Variants in UBXN7 observed in about 807,000 individuals in gnomAD.
UBXN7 encodes UBX domain-containing protein 7.
Under a neutral mutation model 58.0 loss-of-function variants are expected in UBXN7, and 9 were observed. The ratio of observed to expected loss-of-function variants is 0.16; its 90% CI spans 0.09 to 0.27. The LOEUF is 0.27. Ranked by LOEUF, UBXN7 falls within the 10% of genes least tolerant of loss-of-function variation. The pLI, the probability that UBXN7 is intolerant of heterozygous loss-of-function variation, is 1.00. For synonymous variants in UBXN7, 208 were observed against 205.0 expected (o/e 1.01, Z -0.12); for missense variants, 328 against 599.6 (o/e 0.55, Z 4.73).
chr3:196,422,768 C>A (rs971635088), intron 1 of UBXN7, among the ~76,000 whole-genome samples: 2 of 152,140 alleles, frequency 1.3e-5, no homozygotes, highest in African/African-American at 4.8e-5. Flanking sequence ...TAAACACACT[C>A]CTAGGTATTT....
chr3:196,347,828 C>T lies in UBXN7; in HGVS notation c.*8857G>A, dbSNP rs1196558473. The T allele has an allele frequency of 6.6e-6, 1 of 151,984 alleles. No homozygotes were observed. The highest frequency in any genetic ancestry group is 2.4e-5 in the African/African-American group (1 of 41,358). 9.4% of individuals were successfully genotyped at this position (151,984 alleles called of 1,614,324 possible). A position where few individuals can be genotyped will look rare whatever the true frequency, so the allele number is the denominator to read the frequency against. The stretch of plus-strand genomic sequence containing the variant: ...TGTCTTCAAAAGACTTATCGTCCCA[C>T]TCCCTTCCCTCCCCCACCCCATTGT... On this transcript the variant is annotated 3_prime_UTR_variant, in exon 11 of 11. Coordinates refer to ENST00000296328, the MANE Select transcript of UBXN7 (RefSeq NM_015562.2).
chr3:196,429,906 A>C (rs1172483992), intron 1 of UBXN7, among the ~76,000 whole-genome samples: 8 of 152,238 alleles, frequency 5.3e-5, no homozygotes, highest in Admixed American at 5.2e-4. Context: ...GAACAGAAAC[A>C]GAATTAAAGC....
intron 3 of UBXN7, among the ~76,000 whole-genome samples, chr3:196,402,512 C>T (rs142406296): frequency 0.011 from 1,714 of 152,264 alleles, 15 homozygotes; most frequent in South Asian, 0.038. Flanking sequence ...CATTCTCTAT[C>T]GCCAGTCTCT....
chr3:196,387,348 T>G (rs1729435627), intron 5 of UBXN7, among the ~76,000 whole-genome samples: 2 of 152,288 alleles, frequency 1.3e-5, no homozygotes, highest in South Asian at 2.1e-4. Context: ...GAAGAAAACC[T>G]AGGCAATACC....
At chr3:196,366,490 C>T (rs1178163918) in intron 8 of UBXN7, among the ~76,000 whole-genome samples, 1 of 151,278 alleles carries the variant, frequency 6.6e-6, no homozygotes, top group African/African-American at 2.4e-5. Context: ...TCTCTCAAGG[C>T]TGCAAAGACT....
chr3:196,425,728 T>C (rs1463810805), intron 1 of UBXN7, among the ~76,000 whole-genome samples: 2 of 152,152 alleles, frequency 1.3e-5, no homozygotes, highest in Non-Finnish European at 2.9e-5. Context: ...AAACCGATTG[T>C]CTCCCCTCTC....
intron 1 of UBXN7, among the ~76,000 whole-genome samples, chr3:196,417,031 C>T (rs1250016915): frequency 3.9e-5 from 6 of 152,146 alleles, no homozygotes; most frequent in African/African-American, 1.4e-4. Context: ...AATAAATGTA[C>T]ACACAGGCGC....
chr3:196,378,438 T>A (rs1369097875), intron 5 of UBXN7, among the ~76,000 whole-genome samples: 6 of 152,246 alleles, frequency 3.9e-5, no homozygotes, highest in Admixed American at 6.5e-5. Flanking sequence ...TATTTTTTTT[T>A]AAGTGAAAGC....
intron 5 of UBXN7, among the ~76,000 whole-genome samples, chr3:196,387,627 A>G (rs1466045803): frequency 6.6e-6 from 1 of 152,226 alleles, no homozygotes; most frequent in Non-Finnish European, 1.5e-5. Flanking sequence ...AAGTGGGCAA[A>G]GGATATGAAC....
intron 5 of UBXN7, among the ~76,000 whole-genome samples, chr3:196,372,343 C>CTTTTTTTTTTTTT (rs894793736): frequency 9.3e-6 from 1 of 107,520 alleles, no homozygotes; most frequent in Non-Finnish European, 2.1e-5. Flanking sequence ...TTCTTTCTTT[C>CTTTTTTTTTTTTT]TTTTTTTTTT....
At chr3:196,398,777 A>G (rs1349182946) in intron 3 of UBXN7, among the ~76,000 whole-genome samples, 2 of 152,140 alleles carry the variant, frequency 1.3e-5, no homozygotes, top group Admixed American at 6.6e-5. Flanking sequence ...GACTACAGGC[A>G]TGTGCCACCA....
chr3:196,412,637 A>G (rs1291063528), intron 1 of UBXN7, among the ~76,000 whole-genome samples: 2 of 152,216 alleles, frequency 1.3e-5, no homozygotes, highest in Non-Finnish European at 2.9e-5. Context: ...CTTTCATAAT[A>G]GCATTATTCA....
chr3:196,401,063 G>A (rs1285437580), intron 3 of UBXN7, among the ~76,000 whole-genome samples: 3 of 150,688 alleles, frequency 2.0e-5, no homozygotes, highest in African/African-American at 7.3e-5. Context: ...TCCAAATCTA[G>A]ACAGTATATT....
Position 196,356,446 on chromosome 3 carries a change from G to GT in UBXN7, c.*238dup. The GT allele has an allele frequency of 2.5e-6, 1 of 401,662 alleles. No homozygotes were observed. Among genetic ancestry groups the GT allele is most frequent in the Non-Finnish European group, 4.4e-6 (1 of 227,312 alleles). The allele number at this position is 401,662 out of a possible 1,614,324, so 24.9% of individuals were successfully genotyped here. ...ACCAGATTAGGTAAGAAAGAAAAGT[G>GT]TGGGGGGAGGGGGAGGCAGAAGGGT... On this transcript the variant is annotated 3_prime_UTR_variant, in exon 11 of 11. Transcript: ENST00000296328.
chr3:196,390,146 A>C (rs1265600896), intron 5 of UBXN7, among the ~76,000 whole-genome samples: 2 of 152,004 alleles, frequency 1.3e-5, no homozygotes, highest in South Asian at 2.1e-4. Context: ...TTGAGACCAT[A>C]AGTTGGAGGC....
intron 8 of UBXN7, among the ~76,000 whole-genome samples, chr3:196,362,907 TTTG>T (rs2108827905): frequency 6.6e-6 from 1 of 152,050 alleles, no homozygotes; most frequent in Admixed American, 6.5e-5. Context: ...GTTGTTTTGT[TTTG>T]TTTTGTTTTT....
At chr3:196,387,310 T>C (rs1577452868) in intron 5 of UBXN7, among the ~76,000 whole-genome samples, 1 of 152,264 alleles carries the variant, frequency 6.6e-6, no homozygotes, top group Non-Finnish European at 1.5e-5. Flanking sequence ...AAGACTTAAA[T>C]GTTAGACCTA....
chr3:196,393,821 T>C, intron 3 of UBXN7: 1 of 397,354 alleles, frequency 2.5e-6, no homozygotes. Context: ...ACAGTATTTC[T>C]TGTTTTAAAA....
chr3:196,368,047 G>A lies in UBXN7; in HGVS notation c.815C>T (p.Pro272Leu). Residue 272 changes from proline (P) to leucine (L), a missense_variant, in exon 8 of 11, where the codon CCC becomes CTC. This residue lies in a region of UBXN7 where 126 missense variants were observed against 302.6 expected (regional missense o/e 0.42). Coordinates refer to ENST00000296328, the MANE Select transcript of UBXN7 (RefSeq NM_015562.2). ...GQLDGLSSSP[P>L]KKCARSESLI... ...ACTTACTGAACGGGCACATTTTTTG[G>A]GGGGACTGCTAGAAAGTCCATCCAG... is the stretch of plus-strand genomic sequence containing the variant. 6.2e-7 allele frequency: 1 copy of A among 1,612,516 alleles called. No homozygotes were observed. Among genetic ancestry groups the A allele is most frequent in the Non-Finnish European group, 8.5e-7 (1 of 1,179,414 alleles).
Sources: allele counts gnomAD v4.1 joint callset (sites outside exome capture counted in the v4.1 genomes callset), GRCh38; gene constraint gnomAD v4.1.1; regional missense constraint gnomAD v4.1.1; transcripts MANE v1.5; gene names NCBI Gene and HGNC (gene_info 2026-07-23, HGNC 2026-07-21).